Variants in KCNAB1 observed in about 807,000 individuals in gnomAD.
KCNAB1 encodes the protein voltage-gated potassium channel subunit beta-1.
KCNAB1 carries 35 observed loss-of-function variants against 64.6 expected under a neutral mutation model. That is an observed-to-expected ratio of 0.54 (90% CI 0.41 to 0.72). The LOEUF (loss-of-function observed/expected upper bound fraction) is 0.72, where lower values mean the gene tolerates loss of function less well. Among genes scored for constraint, KCNAB1 ranks in the 30% least tolerant of loss-of-function variants. The pLI is 0.00. For missense variants in KCNAB1, 401 were observed against 512.9 expected, an observed-to-expected ratio of 0.78 and a Z score of 2.11; for synonymous variants, 177 against 183.8, an observed-to-expected ratio of 0.96 and a Z score of 0.30.
At chr3:156,189,056 T>C (rs1713388880) in intron 1 of KCNAB1, among the ~76,000 whole-genome samples, 1 of 152,192 alleles carries the variant, frequency 6.6e-6, no homozygotes, top group African/African-American at 2.4e-5. Flanking sequence ...AGCCCGAGGA[T>C]GCCCTTCTCC....
At chr3:156,514,538 CTT>C in intron 9 of KCNAB1, 89 bp downstream of exon 9, 14 of 932,636 alleles carry the variant, frequency 1.5e-5, no homozygotes, top group Non-Finnish European at 2.4e-5. Context: ...CTTTTGCAAA[CTT>C]TTCTCACAAT....
chr3:156,533,713 G>T (rs1161772737), intron 13 of KCNAB1, among the ~76,000 whole-genome samples: 1 of 151,976 alleles, frequency 6.6e-6, no homozygotes, highest in Non-Finnish European at 1.5e-5. Flanking sequence ...GAGGGGGAGA[G>T]AAATGGATGG....
At chr3:156,232,457 C>G (rs1014789238) in intron 1 of KCNAB1, among the ~76,000 whole-genome samples, 1 of 152,248 alleles carries the variant, frequency 6.6e-6, no homozygotes, top group Non-Finnish European at 1.5e-5. Flanking sequence ...TGCTTTCGCA[C>G]AGGCAGGCCA....
chr3:156,326,728 C>T (rs1722988707), intron 1 of KCNAB1, among the ~76,000 whole-genome samples: 2 of 152,124 alleles, frequency 1.3e-5, no homozygotes, highest in South Asian at 4.1e-4. Context: ...TTTGGCATGG[C>T]TCCCTTCTGT....
chr3:156,235,640 A>G (rs1716801107), intron 1 of KCNAB1, among the ~76,000 whole-genome samples: 2 of 152,206 alleles, frequency 1.3e-5, no homozygotes, highest in African/African-American at 4.8e-5. Flanking sequence ...GGCATACATT[A>G]AAGAAATATT....
intron 1 of KCNAB1, among the ~76,000 whole-genome samples, chr3:156,276,679 C>T (rs539665697): frequency 6.6e-6 from 1 of 152,288 alleles, no homozygotes; most frequent in East Asian, 1.9e-4. Context: ...AAAACTCATG[C>T]ATCAACCTCT....
At chr3:156,353,541 C>T (rs1216211753) in intron 1 of KCNAB1, among the ~76,000 whole-genome samples, 1 of 152,256 alleles carries the variant, frequency 6.6e-6, no homozygotes, top group African/African-American at 2.4e-5. Context: ...ATCCAGGTGG[C>T]TTAGCTGGGT....
rs573150925 is a variant in KCNAB1, at chr3:156,361,294, C to T, written c.276-60322C>T. Among the ~76,000 whole-genome samples, 24 of 152,218 alleles carry T rather than the reference C, an allele frequency of 1.6e-4. 1 individual carries two copies. The highest frequency in any genetic ancestry group is 5.5e-4 in the African/African-American group (23 of 41,530). On this transcript the variant is annotated intron_variant, in intron 1 of 13. Transcript: ENST00000490337. ...CTAGCCATCCACGTGGCTGTCTGTT[C>T]CCCAGTTTCAGGTCTCATCTCATAG...
At chr3:156,314,963 G>A (rs763100256) in intron 1 of KCNAB1, among the ~76,000 whole-genome samples, 7 of 152,212 alleles carry the variant, frequency 4.6e-5, no homozygotes, top group South Asian at 2.1e-4. Context: ...GCAGTGAGCC[G>A]AGATTGCGCA....
intron 1 of KCNAB1, among the ~76,000 whole-genome samples, chr3:156,305,341 G>A (rs1721424362): frequency 1.3e-5 from 2 of 152,302 alleles, no homozygotes; most frequent in South Asian, 2.1e-4. Context: ...GTCCTAGCAC[G>A]GTGGCTTGGT....
At chr3:156,488,820 G>A (rs1715412061) in intron 8 of KCNAB1, among the ~76,000 whole-genome samples, 1 of 152,140 alleles carries the variant, frequency 6.6e-6, no homozygotes, top group Non-Finnish European at 1.5e-5. Flanking sequence ...GGGTGCAGAT[G>A]AGGGCACTAG....
intron 1 of KCNAB1, among the ~76,000 whole-genome samples, chr3:156,395,401 C>T (rs1267561620): frequency 3.3e-5 from 5 of 149,518 alleles, no homozygotes; most frequent in African/African-American, 5.0e-5. Flanking sequence ...AAAAATTAGC[C>T]GGGCGTAGTG....
chr3:156,367,262 A>C (rs1576780488), intron 1 of KCNAB1, among the ~76,000 whole-genome samples: 1 of 138,764 alleles, frequency 7.2e-6, no homozygotes, highest in East Asian at 2.1e-4. Context: ...TGCAGGCTCC[A>C]CCTCCTGGGT....
chr3:156,344,886 T>A (rs1449447542), intron 1 of KCNAB1, among the ~76,000 whole-genome samples: 1 of 152,156 alleles, frequency 6.6e-6, no homozygotes, highest in Non-Finnish European at 1.5e-5. Context: ...GACATATGCA[T>A]CGTACCCCAG....
chr3:156,307,119 T>A (rs1159807829), intron 1 of KCNAB1, among the ~76,000 whole-genome samples: 1 of 152,212 alleles, frequency 6.6e-6, no homozygotes, highest in African/African-American at 2.4e-5. Flanking sequence ...TGACCTAAGA[T>A]TCTAACTTGC....
chr3:156,521,946 T>C (rs1216700516), intron 11 of KCNAB1, among the ~76,000 whole-genome samples: 3 of 111,930 alleles, frequency 2.7e-5, no homozygotes, highest in Admixed American at 2.2e-4. Flanking sequence ...ATAATTGCTT[T>C]TTTCTTTTTA....
chr3:156,535,915 C>T (rs770645422), intron 13 of KCNAB1, among the ~76,000 whole-genome samples: 5 of 152,202 alleles, frequency 3.3e-5, no homozygotes, highest in African/African-American at 4.8e-5. Flanking sequence ...AAAGTGGGGA[C>T]TCCATAAAAT....
At chr3:156,272,383 A>G (rs990087570) in intron 1 of KCNAB1, among the ~76,000 whole-genome samples, 1 of 152,060 alleles carries the variant, frequency 6.6e-6, no homozygotes, top group African/African-American at 2.4e-5. Context: ...TCTAGGTGGC[A>G]CTCTATTCTA....
At chr3:156,288,298 G>A (rs1560176011) in intron 1 of KCNAB1, among the ~76,000 whole-genome samples, 1 of 152,198 alleles carries the variant, frequency 6.6e-6, no homozygotes, top group African/African-American at 2.4e-5. Flanking sequence ...CTGAGGTACT[G>A]GGGGTTAGGG....
Sources: gnomAD v4.1 joint callset for allele counts (sites outside exome capture counted in the v4.1 genomes callset) on GRCh38, gnomAD v4.1.1 for gene constraint, MANE v1.5 for transcripts, NCBI Gene and HGNC (gene_info 2026-07-23, HGNC 2026-07-21) for gene names.